MARK1: variants seen among roughly 807,000 people sequenced by gnomAD.
MARK1 encodes serine/threonine-protein kinase MARK1.
In MARK1, 40 loss-of-function variants were observed where a neutral mutation model predicts 96.3. The ratio of observed to expected loss-of-function variants is 0.42; its 90% confidence interval spans 0.32 to 0.54. The LOEUF is 0.54. Ranked by LOEUF, MARK1 falls within the 20% of genes least tolerant of loss-of-function variation. The probability of loss-of-function intolerance (pLI) is 0.16; values close to 1 mark genes in which losing one functional copy is unlikely to be tolerated. For missense variants in MARK1, 719 were observed against 984.6 expected, an observed-to-expected ratio of 0.73 and a Z score of 3.61; for synonymous variants, 317 against 341.2, an observed-to-expected ratio of 0.93 and a Z score of 0.78.
intron 1 of MARK1, among the ~76,000 whole-genome samples, chr1:220,541,260 T>A (rs1389501506): frequency 6.6e-6 from 1 of 152,180 alleles, no homozygotes; most frequent in African/African-American, 2.4e-5. Context: ...GGTGTTTTTT[T>A]AATGAAATCA....
At chr1:220,603,900 A>G (rs1350605301) in intron 5 of MARK1, among the ~76,000 whole-genome samples, 167 bp from the exon 6 acceptor site, 1 of 152,082 alleles carries the variant, frequency 6.6e-6, no homozygotes, top group Admixed American at 6.5e-5. Context: ...TTTTATATGT[A>G]ATTTTTTCCT....
At chr1:220,531,627 A>T (rs549785434) in intron 1 of MARK1, among the ~76,000 whole-genome samples, 1 of 152,316 alleles carries the variant, frequency 6.6e-6, no homozygotes, top group South Asian at 2.1e-4. Context: ...GATCTCTTAT[A>T]TACTACTGCT....
At chr1:220,647,748 A>G (rs889711738) in intron 13 of MARK1, among the ~76,000 whole-genome samples, 2 of 152,200 alleles carry the variant, frequency 1.3e-5, no homozygotes, top group African/African-American at 4.8e-5. Context: ...TTGCAGGAAC[A>G]TGGATGAAGC....
chr1:220,558,095 C>A (rs1416528928), intron 1 of MARK1, among the ~76,000 whole-genome samples: 1 of 150,622 alleles, frequency 6.6e-6, no homozygotes, highest in Non-Finnish European at 1.5e-5. Context: ...ATCACATCAA[C>A]ACACTCCAGC....
intron 1 of MARK1, among the ~76,000 whole-genome samples, chr1:220,547,859 C>T (rs543050523): frequency 1.3e-5 from 2 of 152,352 alleles, no homozygotes; most frequent in East Asian, 3.9e-4. Flanking sequence ...AGCCACCGCG[C>T]ACAACCTCTG....
chr1:220,533,590 T>C (rs932167432), intron 1 of MARK1, among the ~76,000 whole-genome samples: 8 of 152,196 alleles, frequency 5.3e-5, no homozygotes, highest in African/African-American at 1.9e-4. Context: ...AAACGATAGC[T>C]TTGCTTAGTC....
intron 1 of MARK1, 107 bp from the exon 2 acceptor site, chr1:220,579,247 A>G (rs1040370926): frequency 2.9e-5 from 22 of 764,486 alleles, no homozygotes; most frequent in Middle Eastern, 3.2e-4. Context: ...ATGTAGTGCA[A>G]TATGTTTTTA....
chr1:220,657,145 T>C (rs142477436), intron 16 of MARK1, among the ~76,000 whole-genome samples: 35 of 152,304 alleles, frequency 2.3e-4, no homozygotes, highest in African/African-American at 8.4e-4. Flanking sequence ...AAAATATTAA[T>C]TACATGCAAC....
At chr1:220,615,375 G>A (rs933019264) in intron 6 of MARK1, among the ~76,000 whole-genome samples, 1 of 152,056 alleles carries the variant, frequency 6.6e-6, no homozygotes, top group Non-Finnish European at 1.5e-5. Flanking sequence ...TTCTGTTGCT[G>A]ATCAGGTTTC....
intron 1 of MARK1, among the ~76,000 whole-genome samples, chr1:220,549,349 A>G (rs1196903182): frequency 6.6e-6 from 1 of 152,162 alleles, no homozygotes; most frequent in Non-Finnish European, 1.5e-5. Context: ...TTAGAACAGT[A>G]CCTGACACCT....
chr1:220,627,034 C>A (rs1667384103), intron 9 of MARK1: 1 of 541,840 alleles, frequency 1.8e-6, no homozygotes, highest in Non-Finnish European at 3.8e-6. Context: ...ATTTCAGGCT[C>A]CACATCAGTC....
rs375876539 is a variant in MARK1 at position 220,635,815 on chromosome 1, T to A, written c.1277-18T>A. On this transcript the variant is annotated intron_variant, in intron 12 of 17. Transcript: ENST00000366917. ...AGTTGTTTTTCAGCTCATTATGCTA[T>A]TTTTAAAAAAATTATAGCTGGTCCA... The A allele has an allele frequency of 3.9e-6, 6 of 1,549,490 alleles. No individual in the cohort carries two copies. In the African/African-American group the frequency reaches 4.2e-5, roughly 11 times the overall value.
chr1:220,628,641 C>G (rs1248847544), intron 9 of MARK1, among the ~76,000 whole-genome samples: 1 of 152,080 alleles, frequency 6.6e-6, no homozygotes, highest in East Asian at 1.9e-4. Context: ...AATCTGAGCC[C>G]TCTTCTATTC....
intron 1 of MARK1, among the ~76,000 whole-genome samples, chr1:220,558,621 A>AG (rs1162631408): frequency 3.3e-5 from 5 of 151,998 alleles, no homozygotes; most frequent in Non-Finnish European, 7.4e-5. Flanking sequence ...ACCCTAAATA[A>AG]TCAAAGATAT....
chr1:220,632,341 G>T, intron 11 of MARK1, 28 bp downstream of exon 11: 1 of 1,039,836 alleles, frequency 9.6e-7, no homozygotes, highest in Non-Finnish European at 1.4e-6. Context: ...TCAGATTACT[G>T]TGAATTATTT....
At chr1:220,536,431 A>G (rs1660688734) in intron 1 of MARK1, among the ~76,000 whole-genome samples, 1 of 146,532 alleles carries the variant, frequency 6.8e-6, no homozygotes, top group African/African-American at 2.5e-5. Context: ...AATACATTTT[A>G]TTTTATAAAC....
At chr1:220,560,221 A>G (rs1662572506) in intron 1 of MARK1, among the ~76,000 whole-genome samples, 1 of 152,110 alleles carries the variant, frequency 6.6e-6, no homozygotes, top group Non-Finnish European at 1.5e-5. Flanking sequence ...CCCACAACAC[A>G]TAAGAGTTAT....
intron 1 of MARK1, among the ~76,000 whole-genome samples, chr1:220,551,373 TAG>T (rs1271674017): frequency 6.6e-6 from 1 of 152,162 alleles, no homozygotes; most frequent in Non-Finnish European, 1.5e-5. Context: ...CCTAGGACCA[TAG>T]AGAGAAGGGA....
chr1:220,531,487 A>G (rs1660311420), intron 1 of MARK1, among the ~76,000 whole-genome samples: 1 of 152,140 alleles, frequency 6.6e-6, no homozygotes, highest in South Asian at 2.1e-4. Context: ...TAATATAAAC[A>G]TTTCTTTGGT....
Sources: allele counts gnomAD v4.1 joint callset (sites outside exome capture counted in the v4.1 genomes callset), GRCh38; gene constraint gnomAD v4.1.1; transcripts MANE v1.5; gene names NCBI Gene and HGNC (gene_info 2026-07-23, HGNC 2026-07-21).